Variants in PARP8 observed in about 807,000 individuals in gnomAD.
The protein encoded by PARP8 is poly(ADP-ribose) polymerase family member 8.
A neutral mutation model predicts 124.1 loss-of-function variants in PARP8; 51 were observed. The ratio of observed to expected loss-of-function variants is 0.41; its 90% CI spans 0.33 to 0.52. The LOEUF (loss-of-function observed/expected upper bound fraction) is 0.52. Among genes scored for constraint, PARP8 ranks in the 20% least tolerant of loss-of-function variants. The pLI, the probability that PARP8 is intolerant of heterozygous loss-of-function variation, is 0.21. For missense variants in PARP8, 860 were observed against 1,018.9 expected (o/e 0.84, Z 2.12); for synonymous variants, 391 against 361.5 (o/e 1.08, Z -0.93).
At chr5:50,683,435 A>G (rs1301912247) in intron 2 of PARP8, among the ~76,000 whole-genome samples, 1 of 152,196 alleles carries the variant, frequency 6.6e-6, no homozygotes, top group Admixed American at 6.5e-5. Context: ...TAATGAAGAC[A>G]CTATACCAGC....
At position 50,844,592 on chromosome 5, in the gene PARP8, T is replaced by C. The variant is rs1324253287; in HGVS notation, c.*2524T>C. The C allele has an allele frequency of 6.6e-6, 1 of 151,758 alleles. No homozygotes were observed. Among genetic ancestry groups the C allele is most frequent in the Non-Finnish European group, 1.5e-5 (1 of 67,762 alleles). The allele number at this position is 151,758 out of a possible 1,614,324, so 9.4% of individuals were successfully genotyped here. ...TCCAAACATTTGATATTGTATTGTG[T>C]TTTTATAATTATTTGAAATCTGTTC... is the stretch of plus-strand genomic sequence containing the variant. On this transcript the variant is annotated 3_prime_UTR_variant, in exon 26 of 26. Transcript: ENST00000281631.
At chr5:50,778,451 T>C in intron 8 of PARP8, 109 bp from the exon 9 acceptor site, 1 of 877,694 alleles carries the variant, frequency 1.1e-6, no homozygotes, top group Non-Finnish European at 1.8e-6. Flanking sequence ...CTTATAGGCC[T>C]TCATGTTATA....
At chr5:50,803,018 T>A (rs1226635034) in intron 14 of PARP8, among the ~76,000 whole-genome samples, 2 of 152,150 alleles carry the variant, frequency 1.3e-5, no homozygotes, top group Non-Finnish European at 2.9e-5. Context: ...ACTCTGTTGG[T>A]TTTTACCTGG....
chr5:50,709,991 CATATAT>C (rs1229079902), intron 2 of PARP8, among the ~76,000 whole-genome samples: 1 of 131,110 alleles, frequency 7.6e-6, no homozygotes, highest in South Asian at 2.4e-4. Context: ...CATATATATA[CATATAT>C]ACACACACAC....
intron 2 of PARP8, among the ~76,000 whole-genome samples, chr5:50,742,518 T>C (rs1247669039): frequency 6.6e-6 from 1 of 152,112 alleles, no homozygotes; most frequent in East Asian, 1.9e-4. Context: ...ATAAAGGGAA[T>C]GCCTTGAGGA....
intron 2 of PARP8, among the ~76,000 whole-genome samples, chr5:50,700,515 G>T (rs1753482754): frequency 6.6e-6 from 1 of 152,116 alleles, no homozygotes; most frequent in African/African-American, 2.4e-5. Context: ...TCAATATAAT[G>T]AAAACACAAG....
At chr5:50,837,145 A>C (rs1472925653) in intron 25 of PARP8, among the ~76,000 whole-genome samples, 1 of 152,174 alleles carries the variant, frequency 6.6e-6, no homozygotes, top group East Asian at 1.9e-4. Flanking sequence ...ATGTGAATAA[A>C]AGAGAAGTAC....
intron 2 of PARP8, among the ~76,000 whole-genome samples, chr5:50,726,249 T>C (rs539169504): frequency 6.6e-6 from 1 of 152,286 alleles, no homozygotes; most frequent in South Asian, 2.1e-4. Flanking sequence ...TTTCCTCGAC[T>C]ATACAATAAC....
At chr5:50,718,279 G>T (rs903350597) in intron 2 of PARP8, among the ~76,000 whole-genome samples, 5 of 151,998 alleles carry the variant, frequency 3.3e-5, no homozygotes, top group Non-Finnish European at 7.4e-5. Context: ...CAATTTTAGT[G>T]TAAAATTATT....
intron 2 of PARP8, among the ~76,000 whole-genome samples, chr5:50,718,826 G>A (rs1185686951): frequency 1.3e-5 from 2 of 151,956 alleles, no homozygotes; most frequent in Non-Finnish European, 2.9e-5. Context: ...TTTCTTTTGA[G>A]TATATACACA....
rs572378027 is a variant in PARP8 at position 50,676,374 on chromosome 5, C to T, written c.146+8249C>T. Among the ~76,000 whole-genome samples the T allele has an allele frequency of 2.0e-4, 31 of 152,336 alleles. 1 individual carries two copies. In the South Asian group the frequency reaches 6.4e-3, roughly 32 times the overall value. On this transcript the variant is annotated intron_variant, in intron 2 of 25. Coordinates refer to ENST00000281631, the MANE Select transcript of PARP8 (RefSeq NM_024615.4). ...GGCATTTGGCATTTCATGCCCCTAA[C>T]TTTTCTACATGAGGGTGTATTTCTC...
At chr5:50,815,802 T>C (rs1162280676) in intron 15 of PARP8, among the ~76,000 whole-genome samples, 1 of 152,202 alleles carries the variant, frequency 6.6e-6, no homozygotes, top group Admixed American at 6.5e-5. Context: ...AGTGGAGATA[T>C]TGAAACCCTC....
At position 50,795,353 on chromosome 5, in the gene PARP8, T is replaced by C. The variant is rs763939165; in HGVS notation, c.1364T>C (p.Leu455Pro). 6.2e-7 allele frequency: 1 copy of C among 1,614,076 alleles called. No individual in the cohort carries two copies. Among genetic ancestry groups the C allele is most frequent in the Non-Finnish European group, 8.5e-7 (1 of 1,179,952 alleles). ...FKEPNAEGRR[L>P]SLTSGLIGIL... ...GAACCTAACGCAGAGGGCAGGAGGC[T>C]CTCTCTTACCTCAGGGCTTATTGGT... The change falls in exon 12 of 26, where the codon CTC becomes CCC. Residue 455 changes from leucine (L) to proline (P), a missense_variant. Leu to Pro is a moderately conservative substitution (Grantham distance 98, BLOSUM62 -3). Transcript: ENST00000281631.
At chr5:50,743,177 G>GC (rs1312452107) in intron 2 of PARP8, among the ~76,000 whole-genome samples, 8 of 152,094 alleles carry the variant, frequency 5.3e-5, no homozygotes, top group Non-Finnish European at 1.2e-4. Context: ...ACTACGTGCA[G>GC]CTTAACGTTG....
intron 3 of PARP8, among the ~76,000 whole-genome samples, chr5:50,758,522 G>T (rs1456028365): frequency 6.6e-6 from 1 of 152,094 alleles, no homozygotes; most frequent in Non-Finnish European, 1.5e-5. Context: ...TGTTCTCATT[G>T]TACCGACACA....
At chr5:50,717,031 C>G (rs1755387549) in intron 2 of PARP8, among the ~76,000 whole-genome samples, 1 of 151,994 alleles carries the variant, frequency 6.6e-6, no homozygotes, top group Admixed American at 6.6e-5. Flanking sequence ...GGGAAAGAAT[C>G]TGTAGAGCAT....
chr5:50,687,796 C>T (rs778924775), intron 2 of PARP8, among the ~76,000 whole-genome samples: 71 of 152,246 alleles, frequency 4.7e-4, no homozygotes, highest in Non-Finnish European at 9.3e-4. Context: ...GAAAGCAGCA[C>T]CAGAAGGAAC....
intron 22 of PARP8, among the ~76,000 whole-genome samples, chr5:50,830,198 C>G (rs1410402374): frequency 1.3e-5 from 2 of 152,100 alleles, no homozygotes; most frequent in Non-Finnish European, 2.9e-5. Context: ...ATATTCCTTA[C>G]ATTTATTCCT....
intron 2 of PARP8, among the ~76,000 whole-genome samples, chr5:50,710,774 A>T (rs527582849): frequency 3.0e-4 from 45 of 152,266 alleles, no homozygotes; most frequent in Middle Eastern, 3.4e-3. Flanking sequence ...TCTGGTGTAG[A>T]CTTTTGAAAA....
Sources: gnomAD v4.1 joint callset for allele counts (sites outside exome capture counted in the v4.1 genomes callset) on GRCh38, gnomAD v4.1.1 for gene constraint, MANE v1.5 for transcripts, NCBI Gene and HGNC (gene_info 2026-07-23, HGNC 2026-07-21) for gene names.